FBXW2: variants seen among roughly 807,000 people sequenced by gnomAD.
FBXW2 encodes F-box and WD repeat domain containing 2, also known as F-box/WD repeat-containing protein 2.
Under a neutral mutation model 46.0 loss-of-function variants are expected in FBXW2, and 12 were observed. The observed-to-expected ratio is 0.26, with a 90% CI of 0.17 to 0.42. FBXW2 has a LOEUF of 0.42. Among genes scored for constraint, FBXW2 ranks in the 10% least tolerant of loss-of-function variants. The probability of loss-of-function intolerance (pLI) is 1.00; values close to 1 mark genes in which losing one functional copy is unlikely to be tolerated. For synonymous variants in FBXW2, 203 were observed against 209.6 expected (o/e 0.97, Z 0.27); for missense variants, 360 against 537.0 (o/e 0.67, Z 3.26).
chr9:120,793,038 A>C, intron 2 of FBXW2, 111 bp downstream of exon 2: 1 of 1,265,172 alleles, frequency 7.9e-7, no homozygotes, highest in Non-Finnish European at 1.1e-6. Context: ...AGGCAGTAGG[A>C]GGCAGTAACT....
chr9:120,768,065 A>G (rs1337350763), intron 7 of FBXW2, among the ~76,000 whole-genome samples: 1 of 152,184 alleles, frequency 6.6e-6, no homozygotes, highest in African/African-American at 2.4e-5. Context: ...ATCTTTAGCC[A>G]TGCTGATGCA....
intron 5 of FBXW2, among the ~76,000 whole-genome samples, chr9:120,773,709 T>C (rs1215841827): frequency 1.3e-5 from 2 of 152,212 alleles, no homozygotes; most frequent in Non-Finnish European, 2.9e-5. Flanking sequence ...TATTACTAAG[T>C]ATCAGGCACC....
chr9:120,789,978 A>G lies in FBXW2; in HGVS notation c.-20-1700T>C, dbSNP rs187592649. On this transcript the variant is annotated intron_variant, in intron 2 of 7. Coordinates refer to ENST00000608872, the MANE Select transcript of FBXW2 (RefSeq NM_012164.4). ...AAAATTTACCTAGCTGACAAAAAAT[A>G]ATCAGATGGCTAAAAGTTTTATCGA... 5.9e-4 allele frequency among the ~76,000 whole-genome samples: 90 copies of G among 152,356 alleles called. 1 individual carries two copies. Among genetic ancestry groups the G allele is most frequent in the Admixed American group, 5.4e-3 (83 of 15,302 alleles).
chr9:120,778,587 A>T lies in FBXW2; in HGVS notation c.491-42T>A, dbSNP rs1380670365. The T allele has an allele frequency of 5.2e-6, 8 of 1,543,980 alleles. No homozygotes were observed. In the Admixed American group the frequency reaches 7.2e-5, roughly 14 times the overall value. On this transcript the variant is annotated intron_variant, in intron 3 of 7. Coordinates refer to ENST00000608872, the MANE Select transcript of FBXW2 (RefSeq NM_012164.4). Reference sequence around the variant, plus strand: ...GGGAGGTTAATAAGAAAACAAACACACTAAAGAAGGAAAATCAATCCCAAA... The same window carrying T: ...GGGAGGTTAATAAGAAAACAAACACTCTAAAGAAGGAAAATCAATCCCAAA...
intron 3 of FBXW2, 70 bp from the exon 4 acceptor site, chr9:120,778,615 C>T: frequency 7.4e-7 from 1 of 1,346,700 alleles, no homozygotes; most frequent in South Asian, 1.3e-5. Context: ...ATCCCAAAAT[C>T]ATGGTGTTCT....
chr9:120,787,621 G>A (rs1331885800), intron 3 of FBXW2, 148 bp downstream of exon 3: 1 of 715,536 alleles, frequency 1.4e-6, no homozygotes, highest in Non-Finnish European at 2.2e-6. Flanking sequence ...AGGATAAGGG[G>A]GGGGAACCAC....
At chr9:120,767,161 A>G (rs1170086238) in intron 7 of FBXW2, among the ~76,000 whole-genome samples, 1 of 152,218 alleles carries the variant, frequency 6.6e-6, no homozygotes, top group Non-Finnish European at 1.5e-5. Flanking sequence ...TAAATTTTAC[A>G]AATTCTCTCT....
chr9:120,777,892 G>C (rs2044531663), intron 4 of FBXW2, among the ~76,000 whole-genome samples: 2 of 152,004 alleles, frequency 1.3e-5, no homozygotes, highest in Admixed American at 1.3e-4. Context: ...AGCTCAAACT[G>C]GATGTAATCT....
chr9:120,768,137 G>A (rs373339341), intron 7 of FBXW2, among the ~76,000 whole-genome samples: 4 of 152,084 alleles, frequency 2.6e-5, no homozygotes, highest in East Asian at 1.9e-4. Context: ...CAGGGCCTTC[G>A]AACGGACTAG....
At chr9:120,781,948 G>A (rs774981237) in intron 3 of FBXW2, among the ~76,000 whole-genome samples, 6 of 151,114 alleles carry the variant, frequency 4.0e-5, no homozygotes, top group Non-Finnish European at 5.9e-5. Flanking sequence ...GCTTGAACCC[G>A]GGAGGCGGAG....
intron 7 of FBXW2, among the ~76,000 whole-genome samples, chr9:120,766,142 CAA>C (rs889973164): frequency 6.6e-6 from 1 of 152,038 alleles, no homozygotes; most frequent in Non-Finnish European, 1.5e-5. Context: ...AGTATAGGTT[CAA>C]GAGAGCAACC....
At chr9:120,792,153 G>C (rs923818532) in intron 2 of FBXW2, among the ~76,000 whole-genome samples, 1 of 152,124 alleles carries the variant, frequency 6.6e-6, no homozygotes, top group Non-Finnish European at 1.5e-5. Flanking sequence ...AATGGCACAG[G>C]AAGTAGCAGG....
intron 7 of FBXW2, among the ~76,000 whole-genome samples, chr9:120,767,071 T>G (rs1448131633): frequency 6.6e-6 from 1 of 152,184 alleles, no homozygotes; most frequent in Non-Finnish European, 1.5e-5. Context: ...CTTTTATAGC[T>G]GGACCTGGAA....
At chr9:120,776,323 T>G (rs1378043832) in intron 4 of FBXW2, 97 bp from the exon 5 acceptor site, 20 of 1,396,462 alleles carry the variant, frequency 1.4e-5, no homozygotes, top group Non-Finnish European at 1.8e-5. Context: ...TTATATAATT[T>G]CCCAACCAGA....
chr9:120,761,169 A>G lies in FBXW2; in HGVS notation c.*3390T>C, dbSNP rs200728055. On this transcript the variant is annotated 3_prime_UTR_variant, in exon 8 of 8. Transcript: ENST00000608872. ...ACAGTCAGATTTGGCAATGTGTATT[A>G]CTTCAAATGATTGAGCTGGAGGAAA... 1.3e-5 allele frequency: 2 copies of G among 152,228 alleles called. No homozygotes were observed. The highest frequency in any genetic ancestry group is 4.8e-5 in the African/African-American group (2 of 41,448). The allele number at this position is 152,228 out of a possible 1,614,324, so 9.4% of individuals were successfully genotyped here. A position where few individuals can be genotyped will look rare whatever the true frequency, so the allele number is the denominator to read the frequency against.
Position 120,777,922 on chromosome 9 carries a change from A to G in FBXW2, c.685+429T>C, listed in dbSNP as rs113520821. Among the ~76,000 whole-genome samples the G allele has an allele frequency of 6.0e-3, 911 of 152,278 alleles. 15 individuals are homozygous for G. Among genetic ancestry groups the G allele is most frequent in the African/African-American group, 0.02 (845 of 41,554 alleles). ...TAATCTGTGTAGACCACACAATCTAAGAACCACCGTCACACCAAAGAACTT... is the reference window on the plus strand; with the variant it reads ...TAATCTGTGTAGACCACACAATCTAGGAACCACCGTCACACCAAAGAACTT... On this transcript the variant is annotated intron_variant, in intron 4 of 7. Transcript: ENST00000608872.
rs568758147 is a variant in FBXW2 at position 120,791,555 on chromosome 9, C to G, written c.-21+1594G>C. 9.3e-4 allele frequency among the ~76,000 whole-genome samples: 142 copies of G among 152,272 alleles called. 3 individuals are homozygous for G. The highest frequency in any genetic ancestry group is 3.2e-3 in the African/African-American group (132 of 41,546). On this transcript the variant is annotated intron_variant, in intron 2 of 7. Coordinates refer to ENST00000608872, the MANE Select transcript of FBXW2 (RefSeq NM_012164.4). The stretch of plus-strand genomic sequence containing the variant: ...CAGTGTACAGTCTAGCGGGTAAAAA[C>G]TCAAATGGTACTTTTTGTTAGTTTT...
At position 120,764,288 on chromosome 9, in the gene FBXW2, C is replaced by T; in HGVS notation, c.*271G>A. 2.4e-6 allele frequency: 1 copy of T among 420,918 alleles called. No individual in the cohort carries two copies. The highest frequency in any genetic ancestry group is 4.2e-6 in the Non-Finnish European group (1 of 238,244). 26.1% of individuals were successfully genotyped at this position (420,918 alleles called of 1,614,324 possible). A position where few individuals can be genotyped will look rare whatever the true frequency, so the allele number is the denominator to read the frequency against. ...AATACTCCACTCAAGAAAGATGAAC[C>T]CAAAATGCATCCTCTAACACTGACC... On this transcript the variant is annotated 3_prime_UTR_variant, in exon 8 of 8. Transcript: ENST00000608872.
intron 5 of FBXW2, among the ~76,000 whole-genome samples, chr9:120,775,706 T>G (rs528539501): frequency 2.0e-5 from 3 of 152,352 alleles, no homozygotes; most frequent in Non-Finnish European, 2.9e-5. Context: ...ATTGCTTTTC[T>G]GATTAAGAAA....
Sources: gnomAD v4.1 joint callset for allele counts (sites outside exome capture counted in the v4.1 genomes callset) on GRCh38, gnomAD v4.1.1 for gene constraint, MANE v1.5 for transcripts, NCBI Gene and HGNC (gene_info 2026-07-23, HGNC 2026-07-21) for gene names.